MAMLD1: variants seen among roughly 807,000 people sequenced by gnomAD.
MAMLD1 encodes mastermind-like domain-containing protein 1.
MAMLD1 carries 14 observed loss-of-function variants against 45.0 expected under a neutral mutation model. The ratio of observed to expected loss-of-function variants is 0.31; its 90% CI spans 0.21 to 0.49. The LOEUF (loss-of-function observed/expected upper bound fraction) is 0.49. MAMLD1 is among the 20% of genes least tolerant of loss of function. The pLI is 0.99. For missense variants in MAMLD1, 543 were observed against 603.6 expected, an observed-to-expected ratio of 0.90 and a Z score of 1.05; for synonymous variants, 254 against 247.8, an observed-to-expected ratio of 1.02 and a Z score of -0.24.
chrX:150,442,222 T>C (rs1199088344), intron 1 of MAMLD1, among the ~76,000 whole-genome samples: 5 of 111,699 alleles, frequency 4.5e-5, no homozygotes, highest in Non-Finnish European at 7.5e-5. Context: ...CATTGGATCA[T>C]GTTATCTTCT....
chrX:150,506,591 T>C (rs1204741185), intron 6 of MAMLD1, among the ~76,000 whole-genome samples: 1 of 112,244 alleles, frequency 8.9e-6, no homozygotes, highest in Non-Finnish European at 1.9e-5. Flanking sequence ...TGGGCATCTG[T>C]CTCAGTCCCC....
intron 5 of MAMLD1, among the ~76,000 whole-genome samples, chrX:150,492,632 A>G (rs1024131066): frequency 8.9e-6 from 1 of 111,817 alleles, no homozygotes; most frequent in Non-Finnish European, 1.9e-5. Flanking sequence ...CTTTCCTGCC[A>G]TGAGTTTCAG....
chrX:150,389,947 G>A lies in MAMLD1; in HGVS notation c.-64+26417G>A, dbSNP rs182734709. On this transcript the variant is annotated intron_variant, in intron 1 of 7. Transcript: ENST00000370401. ...TTTTGATGATAATGTAGCCACTAAT[G>A]CTTTTGTAAAATTAATATTTGCATG... is the stretch of plus-strand genomic sequence containing the variant. Among the ~76,000 whole-genome samples, 27 of 112,278 alleles carry A rather than the reference G, an allele frequency of 2.4e-4. No homozygotes were observed. The East Asian group carries it at 7.2e-3, about 30-fold the overall frequency.
intron 5 of MAMLD1, among the ~76,000 whole-genome samples, chrX:150,488,183 C>G (rs1220742323): frequency 1.8e-5 from 2 of 112,488 alleles, no homozygotes; most frequent in Admixed American, 9.4e-5. Flanking sequence ...TATCTCTCTA[C>G]CAGGCACCCT....
intron 1 of MAMLD1, among the ~76,000 whole-genome samples, chrX:150,394,387 A>T (rs964879541): frequency 3.7e-4 from 40 of 109,077 alleles, no homozygotes; most frequent in African/African-American, 1.3e-3. Flanking sequence ...CAGTCCTTTG[A>T]CTTTGTTCTT....
chrX:150,442,226 A>G, intron 1 of MAMLD1, among the ~76,000 whole-genome samples: 1 of 111,495 alleles, frequency 9.0e-6, no homozygotes, highest in Non-Finnish European at 1.9e-5. Context: ...GGATCATGTT[A>G]TCTTCTTTGC....
intron 2 of MAMLD1, among the ~76,000 whole-genome samples, chrX:150,459,177 G>T (rs2035962025): frequency 9.0e-6 from 1 of 111,355 alleles, no homozygotes; most frequent in African/African-American, 3.3e-5. Context: ...TTCAGCAGGG[G>T]TGTCTCCTGA....
intron 3 of MAMLD1, among the ~76,000 whole-genome samples, chrX:150,465,692 T>G (rs1489044260): frequency 8.9e-6 from 1 of 112,403 alleles, no homozygotes; most frequent in Non-Finnish European, 1.9e-5. Context: ...TCCTTTTAAC[T>G]AATTGTCTGA....
chrX:150,401,562 A>C (rs1156447629), intron 1 of MAMLD1, among the ~76,000 whole-genome samples: 1 of 108,439 alleles, frequency 9.2e-6, no homozygotes, highest in Non-Finnish European at 1.9e-5. Flanking sequence ...CAGAATTGGA[A>C]AAAACTACTT....
intron 5 of MAMLD1, among the ~76,000 whole-genome samples, chrX:150,483,469 C>T (rs1462004046): frequency 4.4e-5 from 5 of 112,636 alleles, no homozygotes; most frequent in African/African-American, 1.6e-4. Context: ...TTGCGGAATG[C>T]TAAGTTTTGG....
chrX:150,484,124 A>G (rs190533610), intron 5 of MAMLD1, among the ~76,000 whole-genome samples: 38 of 112,469 alleles, frequency 3.4e-4, no homozygotes, highest in African/African-American at 9.4e-4. Context: ...GGTAGGCTTA[A>G]ATGTGACTTA....
At chrX:150,371,662 C>T (rs2031997301) in intron 1 of MAMLD1, among the ~76,000 whole-genome samples, 1 of 111,993 alleles carries the variant, frequency 8.9e-6, no homozygotes, top group African/African-American at 3.3e-5. Flanking sequence ...CACCCTCACC[C>T]CACAAGTAAT....
chrX:150,428,312 C>T (rs1285895458), intron 1 of MAMLD1, among the ~76,000 whole-genome samples: 4 of 112,327 alleles, frequency 3.6e-5, no homozygotes, highest in South Asian at 3.7e-4. Context: ...CTGGAACAAC[C>T]ATTTACTTGA....
intron 1 of MAMLD1, among the ~76,000 whole-genome samples, chrX:150,403,948 GAA>G (rs1176877651): frequency 1.9e-4 from 12 of 63,865 alleles, no homozygotes; most frequent in South Asian, 7.0e-4. Flanking sequence ...AGAAAAGAAA[GAA>G]AGAAAGAAAG....
chrX:150,403,071 T>C, intron 1 of MAMLD1, among the ~76,000 whole-genome samples: 1 of 109,215 alleles, frequency 9.2e-6, no homozygotes, highest in Non-Finnish European at 1.9e-5. Flanking sequence ...TAAAGTATAG[T>C]AATAAAAAAA....
At chrX:150,469,623 C>G in intron 3 of MAMLD1, 122 bp from the exon 4 acceptor site, 4 of 540,218 alleles carry the variant, frequency 7.4e-6, no homozygotes, top group Non-Finnish European at 8.9e-6. Context: ...CTCTCTCTCT[C>G]TCTTTCTCTC....
chrX:150,450,399 G>T, intron 2 of MAMLD1, among the ~76,000 whole-genome samples: 1 of 111,917 alleles, frequency 8.9e-6, no homozygotes, highest in Admixed American at 9.4e-5. Context: ...GCGCGGCACA[G>T]GTGCAAATCT....
chrX:150,364,671 G>C (rs974841801), intron 1 of MAMLD1, among the ~76,000 whole-genome samples: 23 of 112,774 alleles, frequency 2.0e-4, no homozygotes, highest in Non-Finnish European at 4.1e-4. Flanking sequence ...TGCTGCTCAC[G>C]GGTAGGCAAA....
chrX:150,480,756 C>T (rs1035716092), intron 5 of MAMLD1, among the ~76,000 whole-genome samples: 28 of 112,179 alleles, frequency 2.5e-4, no homozygotes, highest in Admixed American at 1.1e-3. Flanking sequence ...GAGCTAGGTG[C>T]ACAGGAAAAA....
Sources: gnomAD v4.1 joint callset for allele counts (sites outside exome capture counted in the v4.1 genomes callset) on GRCh38, gnomAD v4.1.1 for gene constraint, MANE v1.5 for transcripts, NCBI Gene and HGNC (gene_info 2026-07-23, HGNC 2026-07-21) for gene names.